RYR2: variants seen among roughly 807,000 people sequenced by gnomAD.
RYR2 encodes the protein ryanodine receptor 2.
A neutral mutation model predicts 601.1 loss-of-function variants in RYR2; 227 were observed. The ratio of observed to expected loss-of-function variants is 0.38; its 90% confidence interval spans 0.34 to 0.42. The LOEUF is 0.42. Ranked by LOEUF, RYR2 falls within the 10% of genes least tolerant of loss-of-function variation. The pLI is 1.00. For synonymous variants in RYR2, 2,223 were observed against 2,175.1 expected (o/e 1.02, Z -0.61); for missense variants, 4,646 against 6,156.5 (o/e 0.75, Z 8.21).
chr1:237,198,241 TAC>T (rs1352353415), intron 1 of RYR2, among the ~76,000 whole-genome samples: 1 of 152,192 alleles, frequency 6.6e-6, no homozygotes, highest in African/African-American at 2.4e-5. Flanking sequence ...CTGTGATAAA[TAC>T]AGTTTTATTA....
intron 2 of RYR2, among the ~76,000 whole-genome samples, chr1:237,312,025 A>T (rs1329317664): frequency 6.6e-6 from 1 of 152,180 alleles, no homozygotes; most frequent in African/African-American, 2.4e-5. Flanking sequence ...TGGACTATAG[A>T]ATTGCACTGA....
chr1:237,266,618 T>A (rs1451532201), intron 1 of RYR2, among the ~76,000 whole-genome samples: 1 of 152,206 alleles, frequency 6.6e-6, no homozygotes, highest in Non-Finnish European at 1.5e-5. Context: ...AAATGTTCAG[T>A]ATATTTTACT....
intron 61 of RYR2, among the ~76,000 whole-genome samples, chr1:237,679,719 A>G (rs539631621): frequency 6.6e-6 from 1 of 152,346 alleles, no homozygotes; most frequent in South Asian, 2.1e-4. Context: ...TGATGTTATC[A>G]GAGCTCAGAA....
intron 44 of RYR2, 52 bp from the exon 45 acceptor site, chr1:237,638,305 C>A: frequency 6.2e-7 from 1 of 1,611,120 alleles, no homozygotes; most frequent in South Asian, 1.1e-5. Flanking sequence ...ATGTAAGCAT[C>A]TAATGAGTTT....
chr1:237,088,236 T>C lies in RYR2; in HGVS notation c.48+45667T>C, dbSNP rs149829733. On this transcript the variant is annotated intron_variant, in intron 1 of 104. Transcript: ENST00000366574. ...TGTCTGGCATGTTTGCATTTGTGGA[T>C]TGGCAACCCTTGGTACGTGTGCCAA... Among the ~76,000 whole-genome samples, 36 of 152,262 alleles carry C rather than the reference T, an allele frequency of 2.4e-4. No individual in the cohort carries two copies. The East Asian group carries it at 6.6e-3, about 28-fold the overall frequency.
chr1:237,218,444 A>G (rs1188020246), intron 1 of RYR2, among the ~76,000 whole-genome samples: 1 of 152,132 alleles, frequency 6.6e-6, no homozygotes, highest in Non-Finnish European at 1.5e-5. Context: ...CAAAATAGGT[A>G]TTTTATGGTT....
Position 237,493,009 on chromosome 1 carries a change from A to G in RYR2, c.1883A>G (p.Asn628Ser). 1.9e-6 allele frequency: 3 copies of G among 1,611,768 alleles called. No individual in the cohort carries two copies. The highest frequency in any genetic ancestry group is 2.5e-6 in the Non-Finnish European group (3 of 1,178,930). Reference protein sequence around the residue: ...CVCHGVAVRSNQHLICDNLLP... With the variant: ...CVCHGVAVRSSQHLICDNLLP... The stretch of plus-strand genomic sequence containing the variant: ...TGCCACGGGGTTGCAGTCCGTTCTA[A>G]CCAGCATCTCATCTGTGACAATCTC... The change falls in exon 19 of 105, where the codon AAC (asparagine) becomes AGC (serine). Residue 628 changes from asparagine to serine, a missense_variant. Around this residue, in one of 17 missense-constraint regions of RYR2, gnomAD observed 1,807 missense variants for 2,088.1 expected, o/e 0.87. Transcript: ENST00000366574.
At chr1:237,382,191 A>G (rs1321914866) in intron 8 of RYR2, among the ~76,000 whole-genome samples, 3 of 152,196 alleles carry the variant, frequency 2.0e-5, no homozygotes, top group South Asian at 2.1e-4. Flanking sequence ...CAGGTTACTT[A>G]ATGAAACAGG....
intron 1 of RYR2, among the ~76,000 whole-genome samples, chr1:237,136,570 A>G (rs1018603380): frequency 1.3e-5 from 2 of 152,192 alleles, no homozygotes; most frequent in Non-Finnish European, 2.9e-5. Context: ...TTTAGAATGC[A>G]TGTTGAATGC....
chr1:237,689,190 C>T (rs911249706), intron 63 of RYR2, among the ~76,000 whole-genome samples: 1 of 152,146 alleles, frequency 6.6e-6, no homozygotes, highest in Non-Finnish European at 1.5e-5. Context: ...ATCACTTGAG[C>T]CCAGGAATCT....
chr1:237,815,339 T>A (rs546712613), intron 100 of RYR2, among the ~76,000 whole-genome samples: 1 of 152,348 alleles, frequency 6.6e-6, no homozygotes, highest in Non-Finnish European at 1.5e-5. Flanking sequence ...GCTGAAAGCC[T>A]GACAGCCATG....
chr1:237,514,515 T>C (rs1666225779), intron 24 of RYR2, among the ~76,000 whole-genome samples: 1 of 152,254 alleles, frequency 6.6e-6, no homozygotes, highest in Admixed American at 6.5e-5. Flanking sequence ...CTGATTTTTA[T>C]TTATTTATTT....
At chr1:237,447,912 C>T (rs1208568497) in intron 14 of RYR2, among the ~76,000 whole-genome samples, 1 of 141,642 alleles carries the variant, frequency 7.1e-6, no homozygotes. Flanking sequence ...TTCTTCTTTC[C>T]CCTCCCCTTT....
rs1423170877 is a variant in RYR2, at chr1:237,303,892, G to T, written c.169-26986G>T. On this transcript the variant is annotated intron_variant, in intron 2 of 104. Coordinates refer to ENST00000366574, the MANE Select transcript of RYR2 (RefSeq NM_001035.3). ...CCAAGAAATACATTTTATCCAACTG[G>T]ATAGTCCTAGTTATCAGATAATTCA... is the stretch of plus-strand genomic sequence containing the variant. 3.9e-5 allele frequency among the ~76,000 whole-genome samples: 6 copies of T among 152,236 alleles called. No individual in the cohort carries two copies. The East Asian group carries it at 1.2e-3, about 29-fold the overall frequency.
At chr1:237,107,475 G>A (rs2485576) in intron 1 of RYR2, among the ~76,000 whole-genome samples, 132,655 of 140,408 alleles carry the variant, frequency 0.94, 62,845 homozygotes, top group Non-Finnish European at 0.99. Context: ...AGCCGAGATC[G>A]CACCACTGCA....
intron 25 of RYR2, among the ~76,000 whole-genome samples, chr1:237,547,200 T>C (rs2148076995): frequency 6.6e-6 from 1 of 151,710 alleles, no homozygotes; most frequent in Middle Eastern, 3.4e-3. Flanking sequence ...GAGACTGGGT[T>C]TCACCATGTT....
chr1:237,488,346 C>T (rs774674979), intron 17 of RYR2, among the ~76,000 whole-genome samples: 1 of 152,146 alleles, frequency 6.6e-6, no homozygotes, highest in Non-Finnish European at 1.5e-5. Flanking sequence ...GATCAAGGCT[C>T]CTGCAGATAT....
chr1:237,603,386 C>G (rs1163308259), intron 35 of RYR2, among the ~76,000 whole-genome samples: 1 of 152,160 alleles, frequency 6.6e-6, no homozygotes, highest in Non-Finnish European at 1.5e-5. Context: ...AGGTGAAATA[C>G]CACTACTCTG....
intron 29 of RYR2, among the ~76,000 whole-genome samples, chr1:237,578,992 G>A (rs1482915415): frequency 6.6e-6 from 1 of 151,628 alleles, no homozygotes; most frequent in Non-Finnish European, 1.5e-5. Flanking sequence ...AACATCTTAA[G>A]GACTGAGAAT....
Sources: allele counts gnomAD v4.1 joint callset (sites outside exome capture counted in the v4.1 genomes callset), GRCh38; gene constraint gnomAD v4.1.1; regional missense constraint gnomAD v4.1.1; transcripts MANE v1.5; gene names NCBI Gene and HGNC (gene_info 2026-07-23, HGNC 2026-07-21).